GRAMD4: variants seen among roughly 807,000 people sequenced by gnomAD.
The protein encoded by GRAMD4 is GRAM domain-containing protein 4.
In GRAMD4, 25 loss-of-function variants were observed where a neutral mutation model predicts 83.9. The observed-to-expected ratio is 0.30, with a 90% CI of 0.22 to 0.42. The LOEUF (loss-of-function observed/expected upper bound fraction) is 0.42. GRAMD4 is among the 10% of genes least tolerant of loss of function. The pLI, the probability that GRAMD4 is intolerant of heterozygous loss-of-function variation, is 1.00. For synonymous variants in GRAMD4, 336 were observed against 320.9 expected, an observed-to-expected ratio of 1.05 and a Z score of -0.50; for missense variants, 593 against 788.7, an observed-to-expected ratio of 0.75 and a Z score of 2.97.
intron 1 of GRAMD4, among the ~76,000 whole-genome samples, chr22:46,600,360 A>G (rs760006995): frequency 7.9e-5 from 12 of 152,140 alleles, no homozygotes; most frequent in Non-Finnish European, 1.2e-4. Context: ...GGCCTGCGGT[A>G]TGGAGCTGCT....
At chr22:46,581,680 A>T (rs1273374645) in intron 1 of GRAMD4, among the ~76,000 whole-genome samples, 2 of 152,204 alleles carry the variant, frequency 1.3e-5, no homozygotes, top group Non-Finnish European at 2.9e-5. Flanking sequence ...TACCAACTGG[A>T]GGTAGGTGCT....
chr22:46,635,638 A>C (rs550081125), intron 2 of GRAMD4, among the ~76,000 whole-genome samples: 47 of 52,730 alleles, frequency 8.9e-4, no homozygotes, highest in Non-Finnish European at 1.3e-3. Flanking sequence ...GTCCTGGGGG[A>C]CCGTGTCCTC....
At position 46,606,733 on chromosome 22, in the gene GRAMD4, C is replaced by T. The variant is rs73888577; in HGVS notation, c.-49-20018C>T. On this transcript the variant is annotated intron_variant, in intron 1 of 1. Coordinates refer to the GRAMD4 transcript ENST00000431155. ...GAGCATCTCTTCATGGGCTCATGCCCAGTGCTGAGCATCTCTGCGTGGACT... is the reference window on the plus strand; with the variant it reads ...GAGCATCTCTTCATGGGCTCATGCCTAGTGCTGAGCATCTCTGCGTGGACT... Among the ~76,000 whole-genome samples, 736 of 152,162 alleles carry T rather than the reference C, an allele frequency of 4.8e-3. 7 individuals carry two copies. Among genetic ancestry groups the T allele is most frequent in the African/African-American group, 0.017 (707 of 41,512 alleles).
chr22:46,652,462 G>A (rs1440567630), intron 3 of GRAMD4, among the ~76,000 whole-genome samples: 5 of 152,214 alleles, frequency 3.3e-5, no homozygotes, highest in Admixed American at 2.0e-4. Context: ...AAGAGAATAC[G>A]TTTGTGTTGT....
At chr22:46,576,664 C>T (rs1184289953), upstream of GRAMD4, among the ~76,000 whole-genome samples, 1 of 152,118 alleles carries the variant, frequency 6.6e-6, no homozygotes, top group Non-Finnish European at 1.5e-5. Context: ...CGGCGCCCCG[C>T]GAGGCGGTCG....
At position 46,626,298 on chromosome 22, in the gene GRAMD4, T is replaced by A. The variant is rs2081658001; in HGVS notation, c.-49-453T>A. On this transcript the variant is annotated intron_variant, in intron 1 of 18. Transcript: ENST00000406902. ...CGTGTTGACCACGTTCTTGACGGTTTGTTAGGCAACCTTTTGGCATGGCTG... is the reference window on the plus strand; with the variant it reads ...CGTGTTGACCACGTTCTTGACGGTTAGTTAGGCAACCTTTTGGCATGGCTG... Among the ~76,000 whole-genome samples the A allele has an allele frequency of 3.3e-5, 5 of 152,228 alleles. No homozygotes were observed. The South Asian group carries it at 1.0e-3, about 31-fold the overall frequency.
intron 4 of GRAMD4, among the ~76,000 whole-genome samples, chr22:46,660,735 C>G (rs2082314411): frequency 6.6e-6 from 1 of 152,196 alleles, no homozygotes; most frequent in Admixed American, 6.5e-5. Flanking sequence ...CTGTGCTCCG[C>G]CCTCTGTTCT....
exon 1 of GRAMD4, chr22:46,577,201 C>T (rs1308310057): frequency 1.2e-6 from 1 of 823,204 alleles, no homozygotes; most frequent in African/African-American, 1.9e-5. Flanking sequence ...GCTGGGCTCC[C>T]GGGCGGGCGG....
At chr22:46,661,594 C>T in intron 5 of GRAMD4, 152 bp downstream of exon 5, 1 of 630,414 alleles carries the variant, frequency 1.6e-6, no homozygotes, top group South Asian at 1.8e-5. Context: ...GCCCAGGCAC[C>T]TGCTGGCATC....
chr22:46,646,348 G>A (rs546079419), intron 3 of GRAMD4, among the ~76,000 whole-genome samples: 2 of 152,376 alleles, frequency 1.3e-5, no homozygotes, highest in South Asian at 4.1e-4. Flanking sequence ...ACAGGGATCA[G>A]AGTGGCTGGC....
At chr22:46,658,391 C>G (rs1601651750) in intron 4 of GRAMD4, 84 bp downstream of exon 4, 3 of 1,312,850 alleles carry the variant, frequency 2.3e-6, no homozygotes, top group African/African-American at 2.9e-5. Context: ...TCTGCTGCAC[C>G]CATAGCGTCT....
chr22:46,601,935 T>G lies in GRAMD4; in HGVS notation c.-50+24645T>G, dbSNP rs12484179. Reference sequence around the variant, plus strand: ...TATCTCCAGAGGTCTCCATTGGTCCTGCTTCCATGCCAGCCCTTCTTGGGC... The same window carrying G: ...TATCTCCAGAGGTCTCCATTGGTCCGGCTTCCATGCCAGCCCTTCTTGGGC... On this transcript the variant is annotated intron_variant, in intron 1 of 1. Coordinates refer to the GRAMD4 transcript ENST00000431155. 6.6e-3 allele frequency among the ~76,000 whole-genome samples: 1,010 copies of G among 152,368 alleles called. 3 individuals carry two copies. Among genetic ancestry groups the G allele is most frequent in the Admixed American group, 0.012 (190 of 15,310 alleles).
At chr22:46,637,704 G>T in intron 2 of GRAMD4, 136 bp from the exon 3 acceptor site, 1 of 860,180 alleles carries the variant, frequency 1.2e-6, no homozygotes. Context: ...CCCATGTCCA[G>T]AAACTGCAGC....
chr22:46,604,339 AT>A (rs1459761664), intron 1 of GRAMD4, among the ~76,000 whole-genome samples: 27 of 152,308 alleles, frequency 1.8e-4, no homozygotes, highest in Admixed American at 1.6e-3. Context: ...CAATTTGTAG[AT>A]TTTCAAAGGG....
chr22:46,619,485 C>T (rs960500115), upstream of GRAMD4, among the ~76,000 whole-genome samples: 5 of 152,190 alleles, frequency 3.3e-5, no homozygotes, highest in Non-Finnish European at 2.9e-5. Flanking sequence ...ACTGTAGGCA[C>T]GTACCACCAC....
rs75841273 is a variant in GRAMD4 at position 46,623,102 on chromosome 22, G to A, written c.-50+2537G>A. 3.2e-3 allele frequency among the ~76,000 whole-genome samples: 481 copies of A among 152,094 alleles called. 18 individuals carry two copies. In the East Asian group the frequency reaches 0.079, roughly 25 times the overall value. On this transcript the variant is annotated intron_variant, in intron 1 of 18. Transcript: ENST00000406902. ...CCCCATAGCGCCCGAGTCTCTTCAC[G>A]CACCTGTTTGCCATAACGACAGTCA...
At chr22:46,616,398 A>G (rs1190180187), upstream of GRAMD4, among the ~76,000 whole-genome samples, 1 of 84,894 alleles carries the variant, frequency 1.2e-5, no homozygotes, top group Admixed American at 1.3e-4. Flanking sequence ...CTGTGCGTGT[A>G]GGTTCCCCTG....
At chr22:46,619,403 C>T (rs778474506), upstream of GRAMD4, among the ~76,000 whole-genome samples, 1 of 152,148 alleles carries the variant, frequency 6.6e-6, no homozygotes, top group Non-Finnish European at 1.5e-5. Flanking sequence ...GTGGTACGAT[C>T]GTGGTTCACC....
chr22:46,613,377 C>A (rs2081436701), intron 1 of GRAMD4, among the ~76,000 whole-genome samples: 1 of 152,238 alleles, frequency 6.6e-6, no homozygotes, highest in Non-Finnish European at 1.5e-5. Context: ...GCTCTCCAGC[C>A]CCGGTGGTAC....
Sources: allele counts gnomAD v4.1 joint callset (sites outside exome capture counted in the v4.1 genomes callset), GRCh38; gene constraint gnomAD v4.1.1; transcripts MANE v1.5; gene names NCBI Gene and HGNC (gene_info 2026-07-23, HGNC 2026-07-21).